Variants in SVIL observed in about 807,000 individuals in gnomAD.
SVIL encodes the protein archvillin.
In SVIL, 101 loss-of-function variants were observed where a neutral mutation model predicts 240.4. That is an observed-to-expected ratio of 0.42 (90% CI 0.36 to 0.50). The LOEUF (loss-of-function observed/expected upper bound fraction) is 0.50. Among genes scored for constraint, SVIL ranks in the 20% least tolerant of loss-of-function variants. The pLI is 0.01. For missense variants in SVIL, 2,512 were observed against 2,818.7 expected, an observed-to-expected ratio of 0.89 and a Z score of 2.46; for synonymous variants, 999 against 1,100.0, an observed-to-expected ratio of 0.91 and a Z score of 1.82.
At chr10:29,481,842 G>A (rs1052617848) in intron 27 of SVIL, 114 bp from the exon 28 acceptor site, 34 of 908,444 alleles carry the variant, frequency 3.7e-5, no homozygotes, top group East Asian at 4.9e-5. Flanking sequence ...CTCAAAGTAC[G>A]TGAGTACATA....
chr10:29,470,018 G>A (rs1028448190), intron 32 of SVIL, among the ~76,000 whole-genome samples: 1 of 152,218 alleles, frequency 6.6e-6, no homozygotes, highest in African/African-American at 2.4e-5. Context: ...GCTTCCAAGA[G>A]TCACTCCCTG....
intron 9 of SVIL, 146 bp downstream of exon 9, chr10:29,531,856 C>G: frequency 1.0e-6 from 1 of 956,362 alleles, no homozygotes; most frequent in Non-Finnish European, 1.5e-6. Context: ...TTTAAATAAG[C>G]CAAATAAATA....
chr10:29,578,914 G>A (rs558188733), intron 1 of SVIL, among the ~76,000 whole-genome samples: 3 of 151,910 alleles, frequency 2.0e-5, no homozygotes, highest in Non-Finnish European at 4.4e-5. Context: ...ATTACTTAAA[G>A]TCTTCTTGTC....
At chr10:29,487,435 G>A in intron 23 of SVIL, 136 bp from the exon 24 acceptor site, 1 of 991,460 alleles carries the variant, frequency 1.0e-6, no homozygotes, top group Admixed American at 2.8e-5. Context: ...CCATGGCCCA[G>A]GGTGGCAGCA....
intron 3 of SVIL, among the ~76,000 whole-genome samples, chr10:29,650,519 T>G (rs1380696858): frequency 6.6e-6 from 1 of 152,162 alleles, no homozygotes; most frequent in Non-Finnish European, 1.5e-5. Flanking sequence ...ATATATAATA[T>G]GTATTTATTA....
At chr10:29,530,133 T>G (rs1951251909) in intron 11 of SVIL, among the ~76,000 whole-genome samples, 2 of 152,140 alleles carry the variant, frequency 1.3e-5, no homozygotes, top group South Asian at 2.1e-4. Flanking sequence ...ATGATCACAT[T>G]GCTGCACTCA....
chr10:29,655,655 A>G (rs903913909), intron 3 of SVIL, among the ~76,000 whole-genome samples: 2 of 152,168 alleles, frequency 1.3e-5, no homozygotes, highest in African/African-American at 4.8e-5. Context: ...AATCAAGTTG[A>G]CACCTAATAT....
intron 2 of SVIL, among the ~76,000 whole-genome samples, chr10:29,668,032 TC>T (rs1231945291): frequency 1.3e-5 from 2 of 152,160 alleles, no homozygotes; most frequent in African/African-American, 2.4e-5. Flanking sequence ...GTGTCTAACT[TC>T]CTTTACTAAC....
At chr10:29,612,153 A>T (rs1589385089) in intron 1 of SVIL, among the ~76,000 whole-genome samples, 1 of 152,134 alleles carries the variant, frequency 6.6e-6, no homozygotes, top group East Asian at 1.9e-4. Flanking sequence ...ATGTGCTTCC[A>T]CCCCAGGGTA....
intron 18 of SVIL, among the ~76,000 whole-genome samples, chr10:29,496,724 A>G (rs1458909476): frequency 6.6e-6 from 1 of 152,266 alleles, no homozygotes; most frequent in Admixed American, 6.5e-5. Context: ...TCTAGGTACA[A>G]CAACCAGTCA....
intron 2 of SVIL, among the ~76,000 whole-genome samples, chr10:29,673,193 C>T (rs927348428): frequency 4.6e-5 from 7 of 152,032 alleles, no homozygotes; most frequent in East Asian, 1.9e-4. Context: ...GGATTACAGG[C>T]GTGAGCTACT....
intron 16 of SVIL, among the ~76,000 whole-genome samples, chr10:29,516,886 G>A (rs1320577429): frequency 6.6e-6 from 1 of 152,174 alleles, no homozygotes; most frequent in African/African-American, 2.4e-5. Flanking sequence ...AGTCAGGGCT[G>A]GGTCAAACAG....
rs746176867 is a variant in SVIL, at chr10:29,524,517, G to A, written c.2541C>T (p.Asn847=). 5.0e-5 allele frequency: 81 copies of A among 1,614,150 alleles called. No homozygotes were observed. Among genetic ancestry groups the A allele is most frequent in the Admixed American group, 4.2e-4 (25 of 60,022 alleles). ...TGACTGGCTGAGTTTGATAGCGAGC[G>A]TTCATTCTCCTCTGTCTCGTGTCTA... ...NRIDTRQRRM[N]ARYQTQPVTL... The change falls in exon 14 of 38, where the codon AAC becomes AAT. Residue 847 remains asparagine (N), a synonymous_variant. Transcript: ENST00000355867.
intron 3 of SVIL, among the ~76,000 whole-genome samples, chr10:29,641,972 C>T (rs1448558334): frequency 6.6e-6 from 1 of 152,212 alleles, no homozygotes; most frequent in African/African-American, 2.4e-5. Flanking sequence ...TGAGCTGGAA[C>T]CTCCTATCCT....
chr10:29,465,511 TAATA>T (rs1424564889), intron 34 of SVIL, 80 bp downstream of exon 34: 107 of 1,501,654 alleles, frequency 7.1e-5, no homozygotes, highest in Middle Eastern at 6.7e-4. Context: ...AGAAGCTGCT[TAATA>T]AATACCAACG....
chr10:29,623,799 C>T (rs1454643610), intron 1 of SVIL, among the ~76,000 whole-genome samples: 12 of 151,486 alleles, frequency 7.9e-5, no homozygotes, highest in Non-Finnish European at 1.6e-4. Context: ...TGCAGTGAGC[C>T]GAGATCACAC....
chr10:29,526,054 T>C (rs1312316531), intron 13 of SVIL, among the ~76,000 whole-genome samples: 1 of 152,182 alleles, frequency 6.6e-6, no homozygotes, highest in Non-Finnish European at 1.5e-5. Context: ...TATGACCTGA[T>C]GTGAGGACAT....
chr10:29,518,976 G>A (rs1335390853), intron 16 of SVIL, among the ~76,000 whole-genome samples: 1 of 152,186 alleles, frequency 6.6e-6, no homozygotes, highest in African/African-American at 2.4e-5. Flanking sequence ...CTGGACAGGG[G>A]AGAGACTGAC....
At chr10:29,627,910 C>T (rs202020066) in intron 1 of SVIL, among the ~76,000 whole-genome samples, 29 of 152,188 alleles carry the variant, frequency 1.9e-4, no homozygotes, top group Middle Eastern at 6.8e-3. Context: ...AATGAACATC[C>T]GGGGGAAATT....
Sources: gnomAD v4.1 joint callset for allele counts (sites outside exome capture counted in the v4.1 genomes callset) on GRCh38, gnomAD v4.1.1 for gene constraint, MANE v1.5 for transcripts, NCBI Gene and HGNC (gene_info 2026-07-23, HGNC 2026-07-21) for gene names.